The following DPP10 variants were observed in gnomAD, a reference collection of about 807,000 sequenced individuals.
DPP10 encodes dipeptidyl peptidase like 10, also known as inactive dipeptidyl peptidase 10.
A neutral mutation model predicts 120.9 loss-of-function variants in DPP10; 33 were observed. The ratio of observed to expected loss-of-function variants is 0.27; its 90% CI spans 0.21 to 0.37. The LOEUF is 0.37. Ranked by LOEUF, DPP10 falls within the 10% of genes least tolerant of loss-of-function variation. The probability of loss-of-function intolerance (pLI) is 1.00; values close to 1 mark genes in which losing one functional copy is unlikely to be tolerated. For missense variants in DPP10, 816 were observed against 942.8 expected (o/e 0.87, Z 1.76); for synonymous variants, 337 against 326.1 (o/e 1.03, Z -0.36).
chr2:115,688,422 T>C (rs1054187682), intron 5 of DPP10, among the ~76,000 whole-genome samples: 41 of 152,100 alleles, frequency 2.7e-4, no homozygotes, highest in Non-Finnish European at 3.2e-4. Flanking sequence ...TTCTAGGGAG[T>C]TTTAATTGAC....
At chr2:114,789,639 G>T (rs1028936188) in intron 1 of DPP10, among the ~76,000 whole-genome samples, 1 of 152,188 alleles carries the variant, frequency 6.6e-6, no homozygotes, top group Admixed American at 6.5e-5. Flanking sequence ...TATTTGCAGA[G>T]CCTGAAGTAC....
At chr2:115,610,223 C>G (rs2083996675) in intron 5 of DPP10, among the ~76,000 whole-genome samples, 1 of 152,004 alleles carries the variant, frequency 6.6e-6, no homozygotes, top group Non-Finnish European at 1.5e-5. Context: ...CTCAGTTCCC[C>G]TCACCCCCCC....
At chr2:115,394,604 C>A (rs944101127) in intron 3 of DPP10, among the ~76,000 whole-genome samples, 2 of 151,786 alleles carry the variant, frequency 1.3e-5, no homozygotes, top group Non-Finnish European at 2.9e-5. Context: ...ATTATGAGAG[C>A]GAGGTATAGA....
At chr2:114,748,058 A>T (rs1287112412) in intron 1 of DPP10, among the ~76,000 whole-genome samples, 1 of 152,180 alleles carries the variant, frequency 6.6e-6, no homozygotes, top group Non-Finnish European at 1.5e-5. Flanking sequence ...GTAATAAAAA[A>T]ATAGAAACTT....
intron 1 of DPP10, among the ~76,000 whole-genome samples, chr2:115,299,091 A>G (rs2061012650): frequency 6.6e-6 from 1 of 152,026 alleles, no homozygotes; most frequent in African/African-American, 2.4e-5. Flanking sequence ...CTGTCTGAAT[A>G]ATGTAACTGT....
chr2:114,461,519 A>G, intron 1 of DPP10: 1 of 935,320 alleles, frequency 1.1e-6, no homozygotes, highest in Non-Finnish European at 1.3e-6. Context: ...TCTCCCACAC[A>G]CTCTCTTGCC....
At chr2:114,574,428 T>C (rs1024175057) in intron 1 of DPP10, among the ~76,000 whole-genome samples, 1 of 152,186 alleles carries the variant, frequency 6.6e-6, no homozygotes, top group Admixed American at 6.5e-5. Flanking sequence ...GAGAAGCTAA[T>C]GGCTGACTTG....
intron 3 of DPP10, among the ~76,000 whole-genome samples, chr2:115,459,767 C>G (rs1316555113): frequency 2.6e-5 from 4 of 151,752 alleles, no homozygotes; most frequent in Admixed American, 2.6e-4. Flanking sequence ...CACATAAAAT[C>G]TGTCCAACTT....
intron 19 of DPP10, among the ~76,000 whole-genome samples, chr2:115,808,461 C>G (rs914901171): frequency 1.3e-5 from 2 of 152,132 alleles, no homozygotes; most frequent in African/African-American, 4.8e-5. Context: ...AAAGTGTTGT[C>G]CAGAACTAGG....
chr2:115,121,082 G>A (rs1239287629), intron 1 of DPP10, among the ~76,000 whole-genome samples: 1 of 152,168 alleles, frequency 6.6e-6, no homozygotes, highest in African/African-American at 2.4e-5. Context: ...AACCCTTGAG[G>A]TAGGACTATC....
chr2:114,965,718 C>T (rs1377054229), intron 1 of DPP10, among the ~76,000 whole-genome samples: 1 of 151,832 alleles, frequency 6.6e-6, no homozygotes, highest in East Asian at 2.0e-4. Flanking sequence ...GTGGCTCACG[C>T]CTGTAATCCC....
intron 1 of DPP10, among the ~76,000 whole-genome samples, chr2:114,626,187 T>A (rs1328281573): frequency 6.6e-6 from 1 of 151,778 alleles, no homozygotes; most frequent in Admixed American, 6.6e-5. Flanking sequence ...TATAAAACAC[T>A]CACTACAAAA....
rs555196702 is a variant in DPP10 at position 114,896,912 on chromosome 2, C to T, written c.61-412327C>T. 4.6e-5 allele frequency among the ~76,000 whole-genome samples: 7 copies of T among 152,320 alleles called. No homozygotes were observed. The South Asian group carries it at 1.5e-3, about 32-fold the overall frequency. ...CTTATTATTTTGAGATACGTCCCAT[C>T]AATACCTAATTTACTGAGAGTTTTT... On this transcript the variant is annotated intron_variant, in intron 1 of 25. Transcript: ENST00000410059.
At chr2:114,528,490 G>A (rs1018353610) in intron 1 of DPP10, among the ~76,000 whole-genome samples, 1 of 151,938 alleles carries the variant, frequency 6.6e-6, no homozygotes, top group Non-Finnish European at 1.5e-5. Flanking sequence ...TAGGATGAGG[G>A]TCAAGGCAGG....
At chr2:114,675,554 A>G (rs369322731) in intron 1 of DPP10, among the ~76,000 whole-genome samples, 7 of 152,256 alleles carry the variant, frequency 4.6e-5, no homozygotes, top group African/African-American at 1.7e-4. Context: ...TTTCACGATA[A>G]CAAATGAACC....
chr2:115,385,190 C>T (rs2066828799), intron 3 of DPP10, among the ~76,000 whole-genome samples: 1 of 152,110 alleles, frequency 6.6e-6, no homozygotes, highest in Non-Finnish European at 1.5e-5. Flanking sequence ...TTTCTTGTCT[C>T]CCTTGAGGAT....
chr2:114,972,518 G>A (rs943748724), intron 1 of DPP10, among the ~76,000 whole-genome samples: 4 of 152,122 alleles, frequency 2.6e-5, no homozygotes, highest in African/African-American at 9.7e-5. Context: ...TATTTACCTA[G>A]CAGGAATCTA....
At chr2:115,759,670 CAT>C (rs1243054568) in intron 11 of DPP10, among the ~76,000 whole-genome samples, 1 of 146,206 alleles carries the variant, frequency 6.8e-6, no homozygotes, top group Admixed American at 7.2e-5. Context: ...AATAAGAAGA[CAT>C]ATATACACAC....
In DPP10 at chr2:115,415,946, T is replaced by G. The variant is rs772188056; in HGVS notation, c.271+72034T>G. On this transcript the variant is annotated intron_variant, in intron 3 of 25. Transcript: ENST00000410059. ...TTTGAGAATATTTACATGAAATTTT[T>G]TATGTAGTAATCTAATTTTGGAATT... is the stretch of plus-strand genomic sequence containing the variant. Among the ~76,000 whole-genome samples the G allele has an allele frequency of 1.7e-4, 26 of 149,496 alleles. 1 individual carries two copies. The highest frequency in any genetic ancestry group is 8.4e-4 in the South Asian group (4 of 4,752).
Sources: allele counts gnomAD v4.1 joint callset (sites outside exome capture counted in the v4.1 genomes callset), GRCh38; gene constraint gnomAD v4.1.1; transcripts MANE v1.5; gene names NCBI Gene and HGNC (gene_info 2026-07-23, HGNC 2026-07-21).